DNAH8: variants seen among roughly 807,000 people sequenced by gnomAD.
DNAH8 encodes the protein axonemal beta dynein heavy chain 8.
In DNAH8, 382 loss-of-function variants were observed where a neutral mutation model predicts 562.1. The observed-to-expected ratio is 0.68, with a 90% CI of 0.63 to 0.74. DNAH8 has a LOEUF of 0.74. Ranked by LOEUF, DNAH8 falls within the 30% of genes least tolerant of loss-of-function variation. DNAH8 has a pLI of 0.00. For synonymous variants in DNAH8, 1,881 were observed against 1,919.4 expected (o/e 0.98, Z 0.52); for missense variants, 5,203 against 5,620.4 (o/e 0.93, Z 2.37).
intron 36 of DNAH8, among the ~76,000 whole-genome samples, chr6:38,846,655 G>A (rs1294422097): frequency 6.6e-6 from 1 of 152,178 alleles, no homozygotes; most frequent in Non-Finnish European, 1.5e-5. Flanking sequence ...TCCTGGCAAA[G>A]ATGACCATAG....
chr6:38,787,408 T>G (rs1416545812), intron 18 of DNAH8, among the ~76,000 whole-genome samples: 3 of 151,882 alleles, frequency 2.0e-5, no homozygotes, highest in Non-Finnish European at 4.4e-5. Flanking sequence ...TCTAACAAAA[T>G]GAAAATGGTA....
intron 87 of DNAH8, among the ~76,000 whole-genome samples, chr6:38,987,869 G>A (rs947772740): frequency 6.6e-6 from 1 of 152,132 alleles, no homozygotes; most frequent in Non-Finnish European, 1.5e-5. Context: ...TGGGTCTCTG[G>A]CCCTAAGGGC....
chr6:38,725,336 T>TAATAATAATAATAAA (rs1283259746), intron 3 of DNAH8, among the ~76,000 whole-genome samples: 18 of 148,990 alleles, frequency 1.2e-4, no homozygotes, highest in South Asian at 2.1e-4. Flanking sequence ...ATAATAATAA[T>TAATAATAATAATAAA]AAAGAGCTAC....
chr6:38,905,482 G>A (rs1449606707), intron 62 of DNAH8, among the ~76,000 whole-genome samples: 2 of 152,188 alleles, frequency 1.3e-5, no homozygotes, highest in Non-Finnish European at 2.9e-5. Context: ...GCCACTTAAT[G>A]AGCTGTGCAA....
intron 92 of DNAH8, 89 bp from the exon 93 acceptor site, chr6:39,030,016 T>A (rs1767563286): frequency 9.3e-7 from 1 of 1,074,324 alleles, no homozygotes; most frequent in Admixed American, 2.1e-5. Context: ...TGGTGTGTGT[T>A]TTATTTCCAA....
intron 47 of DNAH8, among the ~76,000 whole-genome samples, chr6:38,867,103 C>A (rs1407154924): frequency 6.6e-6 from 1 of 152,018 alleles, no homozygotes; most frequent in East Asian, 1.9e-4. Context: ...AGGCATGTAC[C>A]CTTCACCCTG....
Position 38,803,302 on chromosome 6 carries a change from A to G in DNAH8, c.3025A>G (p.Lys1009Glu). ...YEVKYTGKVGKQSEQRKHVVF... is the reference protein window; with the variant it reads ...YEVKYTGKVGEQSEQRKHVVF... ...AGTGAAATACACTGGGAAAGTAGGA[A>G]AACAGTCAGGTAACTTTTCTCGTTA... Residue 1009 changes from lysine (K) to glutamate (E), a missense_variant, in exon 22 of 93, where the codon AAA becomes GAA. By Grantham distance (56) the Lys-to-Glu change is moderately conservative. This residue lies in a region of DNAH8 where 2,176 missense variants were observed against 2,365.1 expected (regional missense o/e 0.92). Coordinates refer to ENST00000327475, the MANE Select transcript of DNAH8 (RefSeq NM_001206927.2). 1 of 1,600,344 alleles carries G rather than the reference A, an allele frequency of 6.2e-7. No individual in the cohort carries two copies. The highest frequency in any genetic ancestry group is 1.1e-5 in the South Asian group (1 of 87,408).
chr6:38,783,495 T>C (rs1016338731), intron 17 of DNAH8, among the ~76,000 whole-genome samples: 2 of 152,164 alleles, frequency 1.3e-5, no homozygotes, highest in African/African-American at 2.4e-5. Flanking sequence ...AGAGAAAAAA[T>C]TGCATCCTGC....
intron 8 of DNAH8, among the ~76,000 whole-genome samples, chr6:38,742,203 A>T (rs544064862): frequency 4.8e-4 from 73 of 152,340 alleles, no homozygotes; most frequent in African/African-American, 1.6e-3. Context: ...AAACAACTGC[A>T]TATAGAGTCA....
chr6:39,028,488 G>T (rs1469256375), intron 92 of DNAH8, among the ~76,000 whole-genome samples: 1 of 152,128 alleles, frequency 6.6e-6, no homozygotes, highest in Non-Finnish European at 1.5e-5. Context: ...ATCTGTATAA[G>T]TATATATATC....
At chr6:39,012,889 C>CAA (rs34601738) in intron 91 of DNAH8, among the ~76,000 whole-genome samples, 16,583 of 152,162 alleles carry the variant, frequency 0.11, 1,084 homozygotes, top group Admixed American at 0.2. Flanking sequence ...CCAACTTCAG[C>CAA]AAACCATCAG....
chr6:38,946,819 A>G (rs1761467181), intron 80 of DNAH8, among the ~76,000 whole-genome samples: 1 of 152,098 alleles, frequency 6.6e-6, no homozygotes, highest in South Asian at 2.1e-4. Context: ...TGGGGGAAAA[A>G]AAAAGAAAAG....
chr6:38,892,955 A>G (rs1340616010), intron 58 of DNAH8, among the ~76,000 whole-genome samples: 1 of 152,028 alleles, frequency 6.6e-6, no homozygotes, highest in African/African-American at 2.4e-5. Flanking sequence ...AAGTGACTGC[A>G]CTTGTCCCTA....
chr6:38,910,464 C>T (rs1780805022), intron 65 of DNAH8, among the ~76,000 whole-genome samples: 1 of 152,158 alleles, frequency 6.6e-6, no homozygotes, highest in South Asian at 2.1e-4. Flanking sequence ...TTTATTTATT[C>T]CATACCTTTT....
intron 3 of DNAH8, among the ~76,000 whole-genome samples, chr6:38,724,217 G>A (rs1763020453): frequency 6.6e-6 from 1 of 151,924 alleles, no homozygotes. Flanking sequence ...TCTTGACCTC[G>A]TGATCTGCCC....
intron 7 of DNAH8, among the ~76,000 whole-genome samples, chr6:38,740,497 C>A (rs923723216): frequency 1.3e-5 from 2 of 152,124 alleles, no homozygotes; most frequent in Non-Finnish European, 2.9e-5. Flanking sequence ...ATTAAATTTT[C>A]AGATTGCAAG....
chr6:38,837,963 AG>A lies in DNAH8; in HGVS notation c.4389del (p.Lys1464AsnfsTer16). ...IFQASFDDLW[R>X]KFVTYSSGEQ... ...ACAGGCCAGTTTCGATGATCTGTGG[AG>A]GAAATTTGTTACGTATTCATCTGGT... is the stretch of plus-strand genomic sequence containing the variant. On this transcript the variant is annotated frameshift_variant, in exon 33 of 93. Coordinates refer to ENST00000327475, the MANE Select transcript of DNAH8 (RefSeq NM_001206927.2). LOFTEE classifies it high-confidence loss of function. 6.2e-7 allele frequency: 1 copy of A among 1,612,992 alleles called. No homozygotes were observed. Among genetic ancestry groups the A allele is most frequent in the Non-Finnish European group, 8.5e-7 (1 of 1,179,296 alleles).
intron 70 of DNAH8, among the ~76,000 whole-genome samples, chr6:38,920,545 T>G (rs568038023): frequency 3.6e-4 from 55 of 152,300 alleles, no homozygotes; most frequent in Admixed American, 9.8e-4. Flanking sequence ...ATCTTTGAAA[T>G]TGGATTGTTA....
rs575113985 is a variant in DNAH8 at position 38,898,293 on chromosome 6, G to A, written c.8976G>A (p.Gln2992=). The A allele has an allele frequency of 1.3e-6, 2 of 1,591,520 alleles. No homozygotes were observed. The highest frequency in any genetic ancestry group is 2.7e-5 in the African/African-American group (2 of 73,370). ...PSFDFLAEKL[Q]FYQRQFNEII... is the part of the protein sequence containing the mutation. ...TTGACTTTCTGGCTGAAAAACTCCA[G>A]TTTTACCAGAGACAGTTCAATGAAA... The change falls in exon 61 of 93, where the codon CAG becomes CAA. Residue 2992 remains glutamine, a synonymous_variant. Coordinates refer to ENST00000327475, the MANE Select transcript of DNAH8 (RefSeq NM_001206927.2).
Sources: gnomAD v4.1 joint callset for allele counts (sites outside exome capture counted in the v4.1 genomes callset) on GRCh38, gnomAD v4.1.1 for gene constraint, gnomAD v4.1.1 regional missense constraint, MANE v1.5 for transcripts, NCBI Gene and HGNC (gene_info 2026-07-23, HGNC 2026-07-21) for gene names.